Variants in BCL6 observed in about 807,000 individuals in gnomAD.
BCL6 encodes BCL6 transcription repressor, also known as B-cell lymphoma 6 protein.
A neutral mutation model predicts 59.5 loss-of-function variants in BCL6; 7 were observed. The observed-to-expected ratio is 0.12, with a 90% CI of 0.07 to 0.22. The LOEUF is 0.22. Among genes scored for constraint, BCL6 ranks in the 10% least tolerant of loss-of-function variants. BCL6 has a pLI of 1.00. For synonymous variants in BCL6, 339 were observed against 349.7 expected (o/e 0.97, Z 0.34); for missense variants, 685 against 939.4 (o/e 0.73, Z 3.54).
chr3:187,729,787 G>A lies in BCL6; in HGVS notation c.618C>T (p.Leu206=), dbSNP rs1718938366. ...CCCGAAACTCCTCATCGGAGAAGAG[G>A]AGGCTGCTGACAGGGAGGTGGCTGT... ...SMYSHLPVSS[L]LFSDEEFRDV... Residue 206 remains leucine (L), a synonymous_variant, in exon 5 of 10, where the codon CTC becomes CTT. Coordinates refer to ENST00000406870, the MANE Select transcript of BCL6 (RefSeq NM_001706.5). This position sits in a 1 kb window ranked among gnomAD's most constrained non-coding sequence, Gnocchi z 5.6. 1 of 1,614,234 alleles carries A rather than the reference G, an allele frequency of 6.2e-7. No individual in the cohort carries two copies. Among genetic ancestry groups the A allele is most frequent in the East Asian group, 2.2e-5 (1 of 44,876 alleles).
chr3:187,725,437 C>G lies in BCL6; in HGVS notation c.1839+62G>C, dbSNP rs1302712003. ...CCACTCCTCCGCTTGCCTGCCCACT[C>G]CTCCGCTCGCCTGCCCGCTCCGCTC... On this transcript the variant is annotated intron_variant, in intron 8 of 9. Transcript: ENST00000406870. The surrounding 1 kb of genome is among the most constrained non-coding windows in gnomAD (Gnocchi z 4.7). 6.4e-7 allele frequency: 1 copy of G among 1,556,528 alleles called. No homozygotes were observed. Among genetic ancestry groups the G allele is most frequent in the South Asian group, 1.1e-5 (1 of 87,674 alleles).
At position 187,722,263 on chromosome 3, in the gene BCL6, C is replaced by A. The variant is rs1718455780; in HGVS notation, c.*195G>T. 3.6e-6 allele frequency: 2 copies of A among 558,386 alleles called. No homozygotes were observed. The highest frequency in any genetic ancestry group is 2.0e-5 in the African/African-American group (1 of 51,188). 34.6% of individuals were successfully genotyped at this position (558,386 alleles called of 1,614,324 possible). On this transcript the variant is annotated 3_prime_UTR_variant, in exon 10 of 10. Transcript: ENST00000406870. ...ATATGATTTTCTTAATGTTTTATGG[C>A]AGTGGGGGAGGGGGAGCTGCTGCGG... is the stretch of plus-strand genomic sequence containing the variant.
intron 3 of BCL6, among the ~76,000 whole-genome samples, chr3:187,732,718 T>C (rs557961511): frequency 1.3e-5 from 2 of 152,330 alleles, no homozygotes; most frequent in East Asian, 3.9e-4. Context: ...GTCTACCTTA[T>C]AGTGTTGTGG....
rs2108557619 is a variant in BCL6, at chr3:187,725,547, A to T, written c.1791T>A (p.Ser597=). The T allele has an allele frequency of 6.2e-7, 1 of 1,614,192 alleles. No individual in the cohort carries two copies. The highest frequency in any genetic ancestry group is 8.5e-7 in the Non-Finnish European group (1 of 1,180,036). The change falls in exon 8 of 10, where the codon TCT becomes TCA. Residue 597 remains serine (S), a synonymous_variant. Coordinates refer to ENST00000406870, the MANE Select transcript of BCL6 (RefSeq NM_001706.5). The surrounding 1 kb of genome is among the most constrained non-coding windows in gnomAD (Gnocchi z 4.7). ...TTTCGCATTTGTAGGGCTTCTCTCC[A>T]GAGTGAATTCGAGTGTGGGTTTTCA... ...ANLKTHTRIH[S]GEKPYKCETC...
At chr3:187,730,170 C>T (rs548432877) in intron 4 of BCL6, 149 bp from the exon 5 acceptor site, 171 of 1,162,334 alleles carry the variant, frequency 1.5e-4, no homozygotes, top group African/African-American at 3.1e-4. Context: ...ACAATTACAA[C>T]GCATTTATGC....
At chr3:187,740,244 C>A (rs576462463) in intron 1 of BCL6, among the ~76,000 whole-genome samples, 1 of 152,222 alleles carries the variant, frequency 6.6e-6, no homozygotes, top group African/African-American at 2.4e-5. Flanking sequence ...ACACACACAC[C>A]CGGTTTCTCG....
chr3:187,745,195 T>G (rs1711881631), intron 1 of BCL6, among the ~76,000 whole-genome samples: 1 of 152,264 alleles, frequency 6.6e-6, no homozygotes, highest in African/African-American at 2.4e-5. Flanking sequence ...GGCATTTATT[T>G]TAACACCTGA....
chr3:187,728,267 G>C, intron 6 of BCL6, 93 bp downstream of exon 6: 6 of 1,291,228 alleles, frequency 4.6e-6, no homozygotes, highest in South Asian at 1.5e-5. Context: ...GCTCCAATCA[G>C]AGACAACAGC....
chr3:187,735,699 G>A (rs1377828199), intron 1 of BCL6, among the ~76,000 whole-genome samples: 1 of 152,202 alleles, frequency 6.6e-6, no homozygotes, highest in Non-Finnish European at 1.5e-5. Context: ...AAACCTTGAA[G>A]AGATTTAATG....
intron 1 of BCL6, among the ~76,000 whole-genome samples, chr3:187,740,508 C>A (rs2108479042): frequency 6.6e-6 from 1 of 152,262 alleles, no homozygotes; most frequent in South Asian, 2.1e-4. Context: ...ACAAAGGTGA[C>A]CTAAGAGGTT....
intron 1 of BCL6, among the ~76,000 whole-genome samples, chr3:187,744,745 G>C (rs894966301): frequency 1.3e-5 from 2 of 152,094 alleles, no homozygotes; most frequent in Non-Finnish European, 2.9e-5. Flanking sequence ...CAGAAGGACA[G>C]GGGAAGGGAA....
intron 6 of BCL6, among the ~76,000 whole-genome samples, chr3:187,727,477 C>T (rs1718773072): frequency 6.6e-6 from 1 of 152,234 alleles, no homozygotes; most frequent in South Asian, 2.1e-4. Context: ...GACGAACACT[C>T]TGTGGTCACC....
intron 1 of BCL6, among the ~76,000 whole-genome samples, chr3:187,735,765 G>T (rs1486502469): frequency 6.6e-6 from 1 of 152,014 alleles, no homozygotes; most frequent in East Asian, 1.9e-4. Context: ...TAAAAGCACA[G>T]GTGTAAGACC....
intron 1 of BCL6, among the ~76,000 whole-genome samples, chr3:187,744,595 C>G (rs1024873211): frequency 2.6e-5 from 4 of 152,172 alleles, no homozygotes; most frequent in East Asian, 1.9e-4. Context: ...AAAACAAAAA[C>G]CCAAAGAGTT....
chr3:187,745,190 T>A (rs538361607), intron 1 of BCL6, among the ~76,000 whole-genome samples: 2 of 152,268 alleles, frequency 1.3e-5, no homozygotes, highest in African/African-American at 2.4e-5. Context: ...TCTTCGGCAT[T>A]TATTTTAACA....
chr3:187,725,378 C>T lies in BCL6; in HGVS notation c.1839+121G>A. On this transcript the variant is annotated intron_variant, in intron 8 of 9. Coordinates refer to ENST00000406870, the MANE Select transcript of BCL6 (RefSeq NM_001706.5). The surrounding 1 kb of genome is among the most constrained non-coding windows in gnomAD (Gnocchi z 4.7). ...TCTCCTGCCCGCTCTGCTCACCTGC[C>T]CGCTCCGCTTGCCTGCCCGCTCCAC... is the stretch of plus-strand genomic sequence containing the variant. The T allele has an allele frequency of 1.3e-6, 2 of 1,531,726 alleles. No homozygotes were observed. The highest frequency in any genetic ancestry group is 1.8e-6 in the Non-Finnish European group (2 of 1,140,764). 94.9% of individuals were successfully genotyped at this position (1,531,726 alleles called of 1,614,324 possible).
intron 1 of BCL6, among the ~76,000 whole-genome samples, chr3:187,735,836 T>C (rs980312937): frequency 1.5e-4 from 23 of 151,434 alleles, no homozygotes; most frequent in African/African-American, 5.3e-4. Context: ...CTTCCCCCCT[T>C]TAAAAAAAAA....
At chr3:187,733,839 T>A in intron 2 of BCL6, 136 bp from the exon 3 acceptor site, 1 of 844,920 alleles carries the variant, frequency 1.2e-6, no homozygotes, top group Non-Finnish European at 1.9e-6. Context: ...TTTGAACAAT[T>A]CATAGTCCAA....
In BCL6 at chr3:187,740,562, T is replaced by A. The variant is rs145952457; in HGVS notation, c.-50+4848A>T. 2.0e-3 allele frequency among the ~76,000 whole-genome samples: 301 copies of A among 152,300 alleles called. 3 individuals are homozygous for A. The highest frequency in any genetic ancestry group is 7.9e-4 in the Non-Finnish European group (54 of 68,024). On this transcript the variant is annotated intron_variant, in intron 1 of 9. Coordinates refer to ENST00000406870, the MANE Select transcript of BCL6 (RefSeq NM_001706.5). ...GCCGCTCCTTTCTCATAAATACTTC[T>A]AAGGAGCTGAGATAAACCCGCCTTT...
Sources: allele counts gnomAD v4.1 joint callset (sites outside exome capture counted in the v4.1 genomes callset), GRCh38; gene constraint gnomAD v4.1.1; non-coding constraint Gnocchi (gnomAD v3.1); transcripts MANE v1.5; gene names NCBI Gene and HGNC (gene_info 2026-07-23, HGNC 2026-07-21).